DCAF8L2: variants seen among roughly 807,000 people sequenced by gnomAD.
The protein encoded by DCAF8L2 is DDB1 and CUL4 associated factor 8 like 2, also known as DDB1- and CUL4-associated factor 8-like protein 2.
For missense variants in DCAF8L2, 430 were observed against 490.7 expected (o/e 0.88, Z 1.17); for synonymous variants, 200 against 190.9 (o/e 1.05, Z -0.39).
intron 1 of DCAF8L2, among the ~76,000 whole-genome samples, chrX:27,595,537 C>T (rs1333954314): frequency 1.8e-5 from 2 of 112,035 alleles, no homozygotes; most frequent in Non-Finnish European, 3.8e-5. Flanking sequence ...CTTAGATTTG[C>T]TCCTCATTCA....
the DCAF8L2 span, among the ~76,000 whole-genome samples, chrX:27,514,609 C>T: frequency 1.2e-5 from 1 of 82,740 alleles, no homozygotes; most frequent in African/African-American, 4.6e-5. Flanking sequence ...GCGGAGCTTG[C>T]AGTGAGCCGA....
At chrX:27,647,754 A>G (rs1428976337) in intron 2 of DCAF8L2, among the ~76,000 whole-genome samples, 1 of 111,178 alleles carries the variant, frequency 9.0e-6, no homozygotes, top group East Asian at 2.8e-4. Context: ...TACACTTTCT[A>G]TAAAAAAGAT....
intron 4 of DCAF8L2, among the ~76,000 whole-genome samples, chrX:27,726,610 T>C (rs997699677): frequency 9.0e-6 from 1 of 111,510 alleles, no homozygotes; most frequent in Non-Finnish European, 1.9e-5. Flanking sequence ...GTAATGACTG[T>C]CCTGCCTTCC....
rs945094114 is a variant in DCAF8L2, at chrX:27,701,180, G to A, written c.-142-14908G>A. ...AGAGTTTTTATTAATTCAACACCAA[G>A]ATCCTAACATGCTTTAATTTTTAAA... On this transcript the variant is annotated intron_variant, in intron 3 of 4. Transcript: ENST00000451261. Among the ~76,000 whole-genome samples the A allele has an allele frequency of 1.2e-4, 13 of 111,072 alleles. 1 individual carries two copies. The highest frequency in any genetic ancestry group is 6.7e-4 in the Admixed American group (7 of 10,386).
At chrX:27,655,757 CA>C (rs1381918404) in intron 2 of DCAF8L2, among the ~76,000 whole-genome samples, 1 of 111,272 alleles carries the variant, frequency 9.0e-6, no homozygotes, top group Non-Finnish European at 1.9e-5. Flanking sequence ...CTAACTATTC[CA>C]GCTTACATGC....
At chrX:27,697,354 A>G (rs920460040) in intron 3 of DCAF8L2, among the ~76,000 whole-genome samples, 1 of 111,969 alleles carries the variant, frequency 8.9e-6, no homozygotes. Context: ...TAGCCTTTAC[A>G]TAAAGTTGTT....
intron 3 of DCAF8L2, among the ~76,000 whole-genome samples, chrX:27,704,782 A>G (rs748535806): frequency 9.0e-6 from 1 of 111,590 alleles, no homozygotes; most frequent in East Asian, 2.8e-4. Flanking sequence ...AATATATGCA[A>G]TAAAATAAAT....
the DCAF8L2 span, among the ~76,000 whole-genome samples, chrX:27,551,741 A>C: frequency 5.3e-4 from 59 of 111,762 alleles, no homozygotes; most frequent in Admixed American, 1.7e-3. Context: ...CCATTGATGG[A>C]CACTTAGGTT....
At chrX:27,497,932 A>G in the DCAF8L2 span, among the ~76,000 whole-genome samples, 1 of 111,824 alleles carries the variant, frequency 8.9e-6, no homozygotes. Context: ...TCTTTTTGTG[A>G]CTGGTTTATT....
At chrX:27,685,925 G>A (rs1930489995) in intron 3 of DCAF8L2, among the ~76,000 whole-genome samples, 1 of 111,771 alleles carries the variant, frequency 8.9e-6, no homozygotes, top group South Asian at 3.7e-4. Context: ...ATGGGCAGAA[G>A]ATCTGAATAG....
the DCAF8L2 span, among the ~76,000 whole-genome samples, chrX:27,484,073 C>T: frequency 2.7e-5 from 3 of 111,049 alleles, no homozygotes; most frequent in Admixed American, 1.9e-4. Flanking sequence ...TTTTTGATAA[C>T]GGTATTAAAG....
chrX:27,527,522 C>T, the DCAF8L2 span, among the ~76,000 whole-genome samples: 1 of 111,268 alleles, frequency 9.0e-6, no homozygotes, highest in Non-Finnish European at 1.9e-5. Context: ...GTGGGCTGCA[C>T]CCACTGTCCT....
At chrX:27,619,401 A>AAG (rs766778326) in intron 1 of DCAF8L2, among the ~76,000 whole-genome samples, 110 of 109,054 alleles carry the variant, frequency 1.0e-3, no homozygotes, top group African/African-American at 3.1e-3. Flanking sequence ...GAGAGAGAGA[A>AAG]AGAGAGAGAG....
At chrX:27,653,835 T>A (rs934971189) in intron 2 of DCAF8L2, among the ~76,000 whole-genome samples, 4 of 110,663 alleles carry the variant, frequency 3.6e-5, no homozygotes, top group Admixed American at 1.9e-4. Flanking sequence ...GGATTATGTT[T>A]TTTCTTCCTT....
intron 3 of DCAF8L2, among the ~76,000 whole-genome samples, chrX:27,707,732 A>C (rs942454631): frequency 3.6e-5 from 4 of 111,120 alleles, no homozygotes; most frequent in African/African-American, 1.3e-4. Context: ...TTTAGGATTA[A>C]ATTGGGCTTT....
intron 3 of DCAF8L2, among the ~76,000 whole-genome samples, chrX:27,680,153 T>C (rs1171297074): frequency 1.8e-5 from 2 of 111,575 alleles, no homozygotes; most frequent in African/African-American, 3.3e-5. Flanking sequence ...GTCATCACTT[T>C]AGAGGTTCAT....
chrX:27,581,209 C>T, the DCAF8L2 span, among the ~76,000 whole-genome samples: 1 of 111,867 alleles, frequency 8.9e-6, no homozygotes, highest in African/African-American at 3.2e-5. Flanking sequence ...GCAGCATTAA[C>T]TTGGGAACCT....
chrX:27,696,601 C>T (rs5926477), intron 3 of DCAF8L2, among the ~76,000 whole-genome samples: 32,030 of 111,394 alleles, frequency 0.29, 3,942 homozygotes, highest in Middle Eastern at 0.42. Flanking sequence ...ACAGATACTC[C>T]TTTAGCAGGA....
chrX:27,582,607 G>A, the DCAF8L2 span, among the ~76,000 whole-genome samples: 12 of 111,391 alleles, frequency 1.1e-4, no homozygotes, highest in Non-Finnish European at 2.3e-4. Flanking sequence ...CCTCAGAAGT[G>A]CATCACATCA....
Sources: gnomAD v4.1 joint callset for allele counts (sites outside exome capture counted in the v4.1 genomes callset) on GRCh38, gnomAD v4.1.1 for gene constraint, MANE v1.5 for transcripts, NCBI Gene and HGNC (gene_info 2026-07-23, HGNC 2026-07-21) for gene names.